The following TANGO6 variants were observed in gnomAD, a reference collection of about 807,000 sequenced individuals.
TANGO6 encodes the protein transport and golgi organization 6 homolog, also known as transport and Golgi organization protein 6 homolog.
Under a neutral mutation model 114.2 loss-of-function variants are expected in TANGO6, and 90 were observed. The ratio of observed to expected loss-of-function variants is 0.79; its 90% confidence interval spans 0.66 to 0.94. The LOEUF (loss-of-function observed/expected upper bound fraction) is 0.94, where lower values mean the gene tolerates loss of function less well. TANGO6 is among the 40% of genes least tolerant of loss of function. TANGO6 has a pLI of 0.00. For missense variants in TANGO6, 1,274 were observed against 1,315.3 expected (o/e 0.97, Z 0.49); for synonymous variants, 477 against 509.8 (o/e 0.94, Z 0.87).
intron 17 of TANGO6, among the ~76,000 whole-genome samples, chr16:69,067,616 G>A (rs1360884962): frequency 1.3e-5 from 2 of 151,162 alleles, no homozygotes; most frequent in Non-Finnish European, 2.9e-5. Context: ...TCAGGAGTTG[G>A]AGACCAGCCT....
At chr16:68,866,262 G>GA (rs1962175988) in intron 3 of TANGO6, among the ~76,000 whole-genome samples, 1 of 150,550 alleles carries the variant, frequency 6.6e-6, no homozygotes, top group Admixed American at 6.6e-5. Context: ...TTTTTTTAAG[G>GA]AAAAAATGTT....
At chr16:68,976,377 A>G (rs1380198449) in intron 15 of TANGO6, among the ~76,000 whole-genome samples, 2 of 152,256 alleles carry the variant, frequency 1.3e-5, no homozygotes, top group African/African-American at 4.8e-5. Flanking sequence ...ACATTTTTTA[A>G]AGATTAAAAA....
In TANGO6 at chr16:68,909,362, G is replaced by A; in HGVS notation, c.1952G>A (p.Cys651Tyr). 6.3e-7 allele frequency: 1 copy of A among 1,586,780 alleles called. No individual in the cohort carries two copies. The highest frequency in any genetic ancestry group is 8.6e-7 in the Non-Finnish European group (1 of 1,164,136). ...GTCCTGCAGCTGATGGCTGTTCTGT[G>A]CGAGAGAATGTCTGAGCAGATATTC... ...LLVLQLMAVL[C>Y]ERMSEQIFTN... The change falls in exon 11 of 18, where the codon TGC becomes TAC. Residue 651 changes from cysteine to tyrosine, a missense_variant. By Grantham distance (194) the Cys-to-Tyr change is radical (BLOSUM62 -2). This residue lies in a region of TANGO6 where 908 missense variants were observed against 910.2 expected (regional missense o/e 1.00). Coordinates refer to ENST00000261778, the MANE Select transcript of TANGO6 (RefSeq NM_024562.2).
chr16:68,944,219 G>C (rs981541308), intron 14 of TANGO6, among the ~76,000 whole-genome samples: 1 of 152,140 alleles, frequency 6.6e-6, no homozygotes, highest in African/African-American at 2.4e-5. Flanking sequence ...TGAACTTTGA[G>C]AGCCCATTTG....
chr16:68,957,036 A>G (rs1428461584), intron 14 of TANGO6, among the ~76,000 whole-genome samples: 1 of 152,102 alleles, frequency 6.6e-6, no homozygotes, highest in Non-Finnish European at 1.5e-5. Context: ...CATATCTCCT[A>G]TGGAAGAAGG....
intron 1 of TANGO6, among the ~76,000 whole-genome samples, chr16:68,851,556 C>G (rs1961903063): frequency 6.6e-6 from 1 of 152,136 alleles, no homozygotes; most frequent in Non-Finnish European, 1.5e-5. Context: ...TTTATTCAAC[C>G]AGTTCTCTAC....
chr16:68,977,786 A>G (rs1255993650), intron 15 of TANGO6, among the ~76,000 whole-genome samples: 1 of 150,034 alleles, frequency 6.7e-6, no homozygotes, highest in East Asian at 2.0e-4. Flanking sequence ...CCTGGGTTCA[A>G]GCGATTCTCC....
chr16:68,875,986 T>G (rs934948264), intron 5 of TANGO6, among the ~76,000 whole-genome samples: 1 of 152,178 alleles, frequency 6.6e-6, no homozygotes, highest in Admixed American at 6.6e-5. Context: ...TAAGTCTCCC[T>G]ACCATTCCTG....
chr16:69,046,968 G>T (rs1034534568), intron 17 of TANGO6, among the ~76,000 whole-genome samples: 2 of 151,912 alleles, frequency 1.3e-5, no homozygotes, highest in African/African-American at 4.8e-5. Flanking sequence ...ATCACCTGAG[G>T]TCGGGAGTTC....
At chr16:69,025,377 T>C (rs1959483654) in intron 16 of TANGO6, among the ~76,000 whole-genome samples, 1 of 152,194 alleles carries the variant, frequency 6.6e-6, no homozygotes, top group Non-Finnish European at 1.5e-5. Context: ...TCAGGTTGTC[T>C]CTTCCCTGAA....
chr16:68,986,365 G>C (rs1483059395), intron 15 of TANGO6, among the ~76,000 whole-genome samples: 2 of 152,084 alleles, frequency 1.3e-5, no homozygotes, highest in African/African-American at 4.8e-5. Context: ...AGGCAAAGCA[G>C]CTCCTCAGAT....
chr16:69,035,208 T>A (rs1188478776), intron 16 of TANGO6: 1 of 152,180 alleles, frequency 6.6e-6, no homozygotes, highest in Admixed American at 6.5e-5. Context: ...AGGCCTGAGA[T>A]AGATGTTCTG....
At chr16:68,983,334 C>T (rs1228850867) in intron 15 of TANGO6, among the ~76,000 whole-genome samples, 1 of 152,160 alleles carries the variant, frequency 6.6e-6, no homozygotes, top group Non-Finnish European at 1.5e-5. Flanking sequence ...TATTTGGTTG[C>T]TCTTTCTAAT....
intron 14 of TANGO6, among the ~76,000 whole-genome samples, chr16:68,959,706 C>G (rs936251865): frequency 8.5e-5 from 13 of 152,240 alleles, no homozygotes; most frequent in African/African-American, 2.9e-4. Flanking sequence ...TCCTAGCCCA[C>G]CAAGCTTTTC....
At chr16:69,047,971 C>G (rs1959888876) in intron 17 of TANGO6, among the ~76,000 whole-genome samples, 1 of 152,168 alleles carries the variant, frequency 6.6e-6, no homozygotes, top group South Asian at 2.1e-4. Flanking sequence ...GATCAGTATT[C>G]AGCTTTAGAA....
intron 2 of TANGO6, 142 bp from the exon 3 acceptor site, chr16:68,862,803 C>A (rs754578890): frequency 2.5e-5 from 17 of 680,952 alleles, no homozygotes; most frequent in Non-Finnish European, 4.0e-5. Flanking sequence ...TACAGCTTCC[C>A]CCATGTGGAA....
intron 7 of TANGO6, among the ~76,000 whole-genome samples, chr16:68,885,189 C>T (rs755793668): frequency 1.3e-5 from 2 of 152,132 alleles, no homozygotes; most frequent in Admixed American, 6.6e-5. Flanking sequence ...CACTAGGTAA[C>T]GTGGAGGATA....
At chr16:69,083,242 G>C (rs991367441) in intron 17 of TANGO6, among the ~76,000 whole-genome samples, 1 of 151,722 alleles carries the variant, frequency 6.6e-6, no homozygotes, top group Non-Finnish European at 1.5e-5. Context: ...TGTATATTTT[G>C]TAGAGATGGG....
chr16:68,957,480 C>T (rs1036656073), intron 14 of TANGO6, among the ~76,000 whole-genome samples: 4 of 151,814 alleles, frequency 2.6e-5, no homozygotes, highest in African/African-American at 9.7e-5. Context: ...TCACCGCAGC[C>T]TCCACCTCCC....
Sources: gnomAD v4.1 joint callset for allele counts (sites outside exome capture counted in the v4.1 genomes callset) on GRCh38, gnomAD v4.1.1 for gene constraint, gnomAD v4.1.1 regional missense constraint, MANE v1.5 for transcripts, NCBI Gene and HGNC (gene_info 2026-07-23, HGNC 2026-07-21) for gene names.